Variants in KIAA0825 observed in about 807,000 individuals in gnomAD.
KIAA0825 encodes uncharacterized protein KIAA0825.
In KIAA0825, 119 loss-of-function variants were observed where a neutral mutation model predicts 147.6. The ratio of observed to expected loss-of-function variants is 0.81; its 90% CI spans 0.69 to 0.94. The LOEUF is 0.94. Ranked by LOEUF, KIAA0825 falls within the 40% of genes least tolerant of loss-of-function variation. KIAA0825 has a pLI of 0.00. For missense variants in KIAA0825, 1,381 were observed against 1,472.7 expected (o/e 0.94, Z 1.02); for synonymous variants, 470 against 518.1 (o/e 0.91, Z 1.26).
intron 1 of KIAA0825, among the ~76,000 whole-genome samples, chr5:94,600,198 A>C (rs1463333615): frequency 1.3e-5 from 2 of 152,322 alleles, no homozygotes; most frequent in East Asian, 3.9e-4. Flanking sequence ...AACTCACTAG[A>C]ACGTCTATAA....
intron 20 of KIAA0825, among the ~76,000 whole-genome samples, chr5:94,197,995 T>C (rs1272559263): frequency 1.3e-5 from 2 of 152,218 alleles, no homozygotes; most frequent in Non-Finnish European, 2.9e-5. Context: ...AGTTTTTTTC[T>C]AGTTCTGTGT....
chr5:94,417,397 A>G, intron 14 of KIAA0825, 32 bp from the exon 15 acceptor site: 1 of 1,517,720 alleles, frequency 6.6e-7, no homozygotes, highest in Non-Finnish European at 8.9e-7. Context: ...AGGAATCAAA[A>G]TGATTTAGTA....
intron 2 of KIAA0825, among the ~76,000 whole-genome samples, chr5:94,557,805 A>G (rs1387534238): frequency 6.6e-6 from 1 of 152,166 alleles, no homozygotes; most frequent in Non-Finnish European, 1.5e-5. Flanking sequence ...CCCTTTGTAT[A>G]GGAGCTCTGT....
At chr5:94,563,621 T>C (rs1402594866) in intron 2 of KIAA0825, among the ~76,000 whole-genome samples, 1 of 152,234 alleles carries the variant, frequency 6.6e-6, no homozygotes, top group African/African-American at 2.4e-5. Flanking sequence ...GAAGTTTAAT[T>C]TATTAAAGTT....
chr5:94,500,780 CTATTAT>C (rs986305812), intron 5 of KIAA0825, among the ~76,000 whole-genome samples: 1 of 152,026 alleles, frequency 6.6e-6, no homozygotes, highest in African/African-American at 2.4e-5. Context: ...TATTTCATTA[CTATTAT>C]TATTTTTTGT....
At chr5:94,318,681 AG>A (rs1020527573) in intron 20 of KIAA0825, among the ~76,000 whole-genome samples, 8 of 151,920 alleles carry the variant, frequency 5.3e-5, no homozygotes, top group Non-Finnish European at 2.9e-5. Flanking sequence ...TCAACAGATC[AG>A]GAAGAGTAAA....
chr5:94,222,220 T>C (rs1773726075), intron 20 of KIAA0825, among the ~76,000 whole-genome samples: 1 of 152,268 alleles, frequency 6.6e-6, no homozygotes, highest in South Asian at 2.1e-4. Context: ...TCCATGCCAA[T>C]AGCCTGTAAG....
At chr5:94,187,490 G>C (rs1245593602) in intron 20 of KIAA0825, among the ~76,000 whole-genome samples, 1 of 148,592 alleles carries the variant, frequency 6.7e-6, no homozygotes, top group Non-Finnish European at 1.5e-5. Flanking sequence ...GCAGTAGCGA[G>C]ATCTCGGTTT....
chr5:94,180,410 A>G (rs899918096), intron 20 of KIAA0825, among the ~76,000 whole-genome samples: 1 of 152,174 alleles, frequency 6.6e-6, no homozygotes, highest in Admixed American at 6.6e-5. Flanking sequence ...AACTAAATGT[A>G]ATGTGAGATT....
chr5:94,464,925 T>C lies in KIAA0825; in HGVS notation c.2007A>G (p.Leu669=). ...LVEVLEKSLS[L]LASRYARAHP... is the part of the protein sequence containing the mutation. ...GGGCCCGAGCGTATCTGGAGGCCAG[T>C]AGACTCAAAGATTTCTCCAGCACTT... Residue 669 remains leucine (L), a synonymous_variant, in exon 11 of 21, where the codon CTA becomes CTG. Transcript: ENST00000682413. 6.4e-7 allele frequency: 1 copy of C among 1,551,658 alleles called. No homozygotes were observed. Among genetic ancestry groups the C allele is most frequent in the Non-Finnish European group, 8.7e-7 (1 of 1,146,958 alleles).
chr5:94,361,380 T>C (rs189190091), intron 20 of KIAA0825, among the ~76,000 whole-genome samples: 45 of 152,260 alleles, frequency 3.0e-4, no homozygotes, highest in African/African-American at 1.1e-3. Flanking sequence ...GGGAGATAAA[T>C]TGCACATTTC....
At chr5:94,249,041 A>T (rs559695250) in intron 20 of KIAA0825, among the ~76,000 whole-genome samples, 6 of 151,614 alleles carry the variant, frequency 4.0e-5, no homozygotes, top group African/African-American at 7.3e-5. Context: ...AATATCTTAT[A>T]TTTTTTTTTC....
At chr5:94,288,966 T>C (rs1777769599) in intron 20 of KIAA0825, among the ~76,000 whole-genome samples, 1 of 152,184 alleles carries the variant, frequency 6.6e-6, no homozygotes, top group African/African-American at 2.4e-5. Flanking sequence ...CCCCAACGTA[T>C]GGGTGTTATG....
chr5:94,593,941 G>T, intron 1 of KIAA0825: 1 of 453,016 alleles, frequency 2.2e-6, no homozygotes, highest in Admixed American at 2.8e-5. Flanking sequence ...TTTTACCACA[G>T]TGTGACCCAA....
chr5:94,474,176 G>C (rs556372191), intron 7 of KIAA0825, among the ~76,000 whole-genome samples: 1 of 151,288 alleles, frequency 6.6e-6, no homozygotes, highest in African/African-American at 2.5e-5. Context: ...GTGGTGGTTG[G>C]GGGGGTACTT....
intron 20 of KIAA0825, among the ~76,000 whole-genome samples, chr5:94,315,682 T>C (rs527959875): frequency 1.3e-4 from 19 of 151,884 alleles, no homozygotes; most frequent in Middle Eastern, 3.4e-3. Flanking sequence ...TTCATGACTA[T>C]ACAATTCCAG....
At chr5:94,569,618 A>C in intron 2 of KIAA0825, 1 of 373,034 alleles carries the variant, frequency 2.7e-6, no homozygotes, top group Non-Finnish European at 5.0e-6. Context: ...TCCATCTAAC[A>C]TCTCCACATG....
intron 20 of KIAA0825, among the ~76,000 whole-genome samples, chr5:94,330,582 A>C (rs1188090643): frequency 6.6e-6 from 1 of 152,194 alleles, no homozygotes; most frequent in African/African-American, 2.4e-5. Context: ...GGAAATTTAT[A>C]ACATTAAATG....
intron 1 of KIAA0825, chr5:94,593,024 T>A: frequency 1.5e-6 from 1 of 651,144 alleles, no homozygotes; most frequent in Non-Finnish European, 2.9e-6. Flanking sequence ...ATCAGTCTAT[T>A]AAAAAATGTT....
Sources: allele counts gnomAD v4.1 joint callset (sites outside exome capture counted in the v4.1 genomes callset), GRCh38; gene constraint gnomAD v4.1.1; transcripts MANE v1.5; gene names NCBI Gene and HGNC (gene_info 2026-07-23, HGNC 2026-07-21).